The following BNC2 variants were observed in gnomAD, a reference collection of about 807,000 sequenced individuals.
The protein encoded by BNC2 is basonuclin zinc finger protein 2, also known as zinc finger protein basonuclin-2.
Under a neutral mutation model 76.3 loss-of-function variants are expected in BNC2, and 20 were observed. The observed-to-expected ratio is 0.26, with a 90% CI of 0.18 to 0.38. The LOEUF is 0.38. Ranked by LOEUF, BNC2 falls within the 10% of genes least tolerant of loss-of-function variation. BNC2 has a pLI of 1.00. For synonymous variants in BNC2, 582 were observed against 514.8 expected, an observed-to-expected ratio of 1.13 and a Z score of -1.77; for missense variants, 1,382 against 1,399.8, an observed-to-expected ratio of 0.99 and a Z score of 0.20.
chr9:16,756,820 T>A (rs774742953), intron 1 of BNC2, among the ~76,000 whole-genome samples: 14 of 151,962 alleles, frequency 9.2e-5, no homozygotes, highest in Non-Finnish European at 2.1e-4. Flanking sequence ...AAACTCTGTC[T>A]CTACTAAAAA....
At chr9:16,670,925 C>A (rs568229809) in intron 3 of BNC2, among the ~76,000 whole-genome samples, 32 of 152,292 alleles carry the variant, frequency 2.1e-4, no homozygotes, top group African/African-American at 7.5e-4. Flanking sequence ...CCCCACTGAT[C>A]GCTAATTAGC....
intron 3 of BNC2, among the ~76,000 whole-genome samples, chr9:16,725,944 CTT>C (rs1824302347): frequency 6.6e-6 from 1 of 151,268 alleles, no homozygotes; most frequent in South Asian, 2.1e-4. Context: ...TTTATTAACT[CTT>C]TTCTAGCTAG....
intron 5 of BNC2, among the ~76,000 whole-genome samples, chr9:16,518,952 T>TCATCATATA (rs1456307393): frequency 1.3e-5 from 2 of 152,158 alleles, no homozygotes; most frequent in Non-Finnish European, 2.9e-5. Flanking sequence ...ATCATATAGT[T>TCATCATATA]TGGTGAGTCA....
At chr9:16,729,987 C>T (rs1464126393) in intron 2 of BNC2, among the ~76,000 whole-genome samples, 2 of 151,938 alleles carry the variant, frequency 1.3e-5, no homozygotes, top group Non-Finnish European at 2.9e-5. Context: ...CTCTCACTCG[C>T]CCTCTCCTTG....
intron 6 of BNC2, among the ~76,000 whole-genome samples, chr9:16,422,469 C>T (rs557413949): frequency 7.2e-5 from 11 of 152,330 alleles, no homozygotes; most frequent in South Asian, 2.1e-4. Context: ...CTTCAGTACA[C>T]GGGTTCATTC....
intron 5 of BNC2, among the ~76,000 whole-genome samples, chr9:16,437,830 T>A (rs1821050765): frequency 6.6e-6 from 1 of 152,184 alleles, no homozygotes; most frequent in South Asian, 2.1e-4. Flanking sequence ...ACAACAATGA[T>A]CTATATACTA....
intron 1 of BNC2, among the ~76,000 whole-genome samples, chr9:16,861,932 T>G (rs1387437433): frequency 6.6e-6 from 1 of 151,026 alleles, no homozygotes; most frequent in Non-Finnish European, 1.5e-5. Context: ...GAGCTTGCAG[T>G]GAGCCGAGAT....
intron 3 of BNC2, among the ~76,000 whole-genome samples, chr9:16,599,067 T>C (rs1017837988): frequency 3.9e-5 from 6 of 152,222 alleles, no homozygotes; most frequent in Non-Finnish European, 7.3e-5. Flanking sequence ...TTAAAATGTA[T>C]GTAGCCTATC....
At chr9:16,467,928 C>G (rs1277611990) in intron 5 of BNC2, among the ~76,000 whole-genome samples, 2 of 151,850 alleles carry the variant, frequency 1.3e-5, no homozygotes, top group African/African-American at 4.8e-5. Context: ...TTCAGAAATA[C>G]TGATGCACAA....
At chr9:16,600,313 C>CT (rs1334604839) in intron 3 of BNC2, among the ~76,000 whole-genome samples, 2 of 152,150 alleles carry the variant, frequency 1.3e-5, no homozygotes, top group African/African-American at 4.8e-5. Flanking sequence ...GATAAGCATG[C>CT]TTTAATACTT....
chr9:16,697,125 C>T (rs1823361069), intron 3 of BNC2, among the ~76,000 whole-genome samples: 1 of 152,006 alleles, frequency 6.6e-6, no homozygotes. Context: ...CTTTGGGAGG[C>T]TGAGGCGGGT....
chr9:16,597,538 C>T (rs1334185429), intron 3 of BNC2, among the ~76,000 whole-genome samples: 1 of 152,092 alleles, frequency 6.6e-6, no homozygotes, highest in African/African-American at 2.4e-5. Context: ...AAAAAAAACG[C>T]TGGCTGCCCT....
chr9:16,438,571 A>C (rs907372883), intron 5 of BNC2, among the ~76,000 whole-genome samples: 3 of 152,144 alleles, frequency 2.0e-5, no homozygotes, highest in Non-Finnish European at 4.4e-5. Flanking sequence ...ATCTATTCAA[A>C]CACTTAAATA....
chr9:16,756,934 T>A (rs1164423842), intron 1 of BNC2, among the ~76,000 whole-genome samples: 1 of 148,770 alleles, frequency 6.7e-6, no homozygotes, highest in African/African-American at 2.5e-5. Flanking sequence ...GAGCTTGCAG[T>A]GAGCCAAGAT....
chr9:16,611,453 T>C (rs1317572695), intron 3 of BNC2, among the ~76,000 whole-genome samples: 1 of 152,154 alleles, frequency 6.6e-6, no homozygotes, highest in Non-Finnish European at 1.5e-5. Flanking sequence ...ATCAATCTTA[T>C]GTTATTTTTT....
chr9:16,790,093 A>G (rs938737170), intron 1 of BNC2, among the ~76,000 whole-genome samples: 1 of 152,036 alleles, frequency 6.6e-6, no homozygotes, highest in Non-Finnish European at 1.5e-5. Context: ...TCCGCCTCCC[A>G]GGTTTATGCA....
At chr9:16,493,988 C>G (rs555833177) in intron 5 of BNC2, among the ~76,000 whole-genome samples, 4 of 152,246 alleles carry the variant, frequency 2.6e-5, no homozygotes, top group African/African-American at 9.6e-5. Flanking sequence ...CAGTCCTCCA[C>G]TCAACTAATA....
intron 1 of BNC2, among the ~76,000 whole-genome samples, chr9:16,859,488 T>C (rs1819342942): frequency 6.6e-6 from 1 of 152,240 alleles, no homozygotes; most frequent in African/African-American, 2.4e-5. Flanking sequence ...ATGTGGTATA[T>C]ACATATGATG....
Position 16,418,512 on chromosome 9 carries a change from A to G in BNC2, c.*477T>C, listed in dbSNP as rs2119016123. 6.5e-6 allele frequency: 1 copy of G among 154,772 alleles called. No homozygotes were observed. The highest frequency in any genetic ancestry group is 2.0e-4 in the South Asian group (1 of 4,942). 9.6% of individuals were successfully genotyped at this position (154,772 alleles called of 1,614,324 possible). On this transcript the variant is annotated 3_prime_UTR_variant, in exon 7 of 7. Transcript: ENST00000380672. The stretch of plus-strand genomic sequence containing the variant: ...AATTGAAGATTCTTTCAAAACCTTA[A>G]AGTTCACAAAAGACAACTATAAGAA...
Sources: allele counts gnomAD v4.1 joint callset (sites outside exome capture counted in the v4.1 genomes callset), GRCh38; gene constraint gnomAD v4.1.1; transcripts MANE v1.5; gene names NCBI Gene and HGNC (gene_info 2026-07-23, HGNC 2026-07-21).